GRM3: variants seen among roughly 807,000 people sequenced by gnomAD.
The protein encoded by GRM3 is metabotropic glutamate receptor 3.
In GRM3, 26 loss-of-function variants were observed where a neutral mutation model predicts 70.5. That is an observed-to-expected ratio of 0.37 (90% CI 0.27 to 0.51). The LOEUF is 0.51. GRM3 is among the 20% of genes least tolerant of loss of function. The pLI is 0.93. For synonymous variants in GRM3, 443 were observed against 434.9 expected (o/e 1.02, Z -0.23); for missense variants, 859 against 1,123.8 (o/e 0.76, Z 3.37).
intron 4 of GRM3, among the ~76,000 whole-genome samples, chr7:86,840,548 A>G (rs767498392): frequency 1.6e-4 from 24 of 152,078 alleles, no homozygotes; most frequent in Non-Finnish European, 3.1e-4. Flanking sequence ...TATTAGTAAT[A>G]TACAGTTCAA....
intron 4 of GRM3, among the ~76,000 whole-genome samples, chr7:86,843,137 G>A (rs909618231): frequency 6.6e-6 from 1 of 152,098 alleles, no homozygotes; most frequent in African/African-American, 2.4e-5. Context: ...ATGATGAAAG[G>A]CAAGAGGGAA....
chr7:86,742,836 C>T (rs530299332), intron 1 of GRM3, among the ~76,000 whole-genome samples: 1 of 152,238 alleles, frequency 6.6e-6, no homozygotes, highest in African/African-American at 2.4e-5. Flanking sequence ...GTGACATTTT[C>T]ACATTTTCTA....
At chr7:86,817,847 A>G (rs1798045960) in intron 3 of GRM3, among the ~76,000 whole-genome samples, 1 of 152,042 alleles carries the variant, frequency 6.6e-6, no homozygotes, top group Non-Finnish European at 1.5e-5. Flanking sequence ...ATACAACACC[A>G]CTAAATCTAT....
In GRM3 at chr7:86,839,893, A is replaced by G. The variant is rs761666763; in HGVS notation, c.2379A>G (p.Ser793=). 9.0e-6 allele frequency: 14 copies of G among 1,553,488 alleles called. No individual in the cohort carries two copies. The highest frequency in any genetic ancestry group is 1.2e-5 in the Non-Finnish European group (13 of 1,124,730). The stretch of plus-strand genomic sequence containing the variant: ...TCCTCCCTATATTTTATGTGACATC[A>G]AGTGACTACAGAGTAAGTCTTTGAT... ...LAFLPIFYVT[S]SDYRVQTTTM... is the part of the protein sequence containing the mutation. Residue 793 remains serine, a synonymous_variant, in exon 4 of 6, where the codon TCA becomes TCG. Transcript: ENST00000361669. The surrounding 1 kb of genome is among the most constrained non-coding windows in gnomAD (Gnocchi z 4.5).
At chr7:86,679,382 C>G (rs1460498170) in intron 1 of GRM3, among the ~76,000 whole-genome samples, 1 of 151,928 alleles carries the variant, frequency 6.6e-6, no homozygotes, top group Admixed American at 6.6e-5. Context: ...GAAGAAACCA[C>G]CTTGTTAGCA....
At chr7:86,813,338 G>T (rs1797950849) in intron 3 of GRM3, among the ~76,000 whole-genome samples, 1 of 151,594 alleles carries the variant, frequency 6.6e-6, no homozygotes, top group Admixed American at 6.6e-5. Context: ...GAAGCATCTT[G>T]CACATCATCC....
chr7:86,692,677 T>C (rs1156299999), intron 1 of GRM3, among the ~76,000 whole-genome samples: 1 of 152,254 alleles, frequency 6.6e-6, no homozygotes, highest in Non-Finnish European at 1.5e-5. Flanking sequence ...AATTTTTGCC[T>C]GTTTTATTCT....
chr7:86,849,685 C>T (rs1798722840), intron 4 of GRM3, among the ~76,000 whole-genome samples: 1 of 152,132 alleles, frequency 6.6e-6, no homozygotes, highest in African/African-American at 2.4e-5. Flanking sequence ...TTCTGAGGAA[C>T]TTTCAGGGTA....
At chr7:86,727,314 TC>T (rs1337822693) in intron 1 of GRM3, among the ~76,000 whole-genome samples, 2 of 152,204 alleles carry the variant, frequency 1.3e-5, no homozygotes, top group African/African-American at 2.4e-5. Flanking sequence ...CTCTCCCAGT[TC>T]CCCTACCCCA....
At chr7:86,681,067 A>G (rs2115964152) in intron 1 of GRM3, among the ~76,000 whole-genome samples, 1 of 152,250 alleles carries the variant, frequency 6.6e-6, no homozygotes, top group Middle Eastern at 3.4e-3. Flanking sequence ...CAACACACCC[A>G]CACAGTAAAT....
intron 1 of GRM3, among the ~76,000 whole-genome samples, chr7:86,679,880 G>A (rs1794402311): frequency 6.6e-6 from 1 of 151,996 alleles, no homozygotes; most frequent in Non-Finnish European, 1.5e-5. Context: ...TTCACTCAGA[G>A]CCATGAATTT....
intron 1 of GRM3, among the ~76,000 whole-genome samples, chr7:86,729,769 A>G (rs1795683752): frequency 6.6e-6 from 1 of 152,190 alleles, no homozygotes; most frequent in South Asian, 2.1e-4. Context: ...TAAAGGATTA[A>G]TTACATTCTT....
At chr7:86,645,627 G>A (rs531844467) in intron 1 of GRM3, among the ~76,000 whole-genome samples, 1 of 152,044 alleles carries the variant, frequency 6.6e-6, no homozygotes, top group South Asian at 2.1e-4. Context: ...TTATTCCTTG[G>A]GTTATCAAAG....
intron 2 of GRM3, among the ~76,000 whole-genome samples, chr7:86,776,415 T>C (rs975906385): frequency 6.6e-6 from 1 of 152,134 alleles, no homozygotes; most frequent in South Asian, 2.1e-4. Context: ...TCTGTTGAAG[T>C]AAAGAGTAGT....
intron 1 of GRM3, among the ~76,000 whole-genome samples, chr7:86,679,541 G>A (rs924932573): frequency 6.6e-6 from 1 of 151,986 alleles, no homozygotes; most frequent in African/African-American, 2.4e-5. Flanking sequence ...ATACTCACAT[G>A]GGAAAATAAA....
chr7:86,692,735 C>T (rs1303989419), intron 1 of GRM3, among the ~76,000 whole-genome samples: 2 of 152,124 alleles, frequency 1.3e-5, no homozygotes, highest in African/African-American at 4.8e-5. Flanking sequence ...ATACTAGGCA[C>T]ATAAAATATT....
intron 1 of GRM3, among the ~76,000 whole-genome samples, chr7:86,669,792 C>T (rs1474758999): frequency 6.6e-6 from 1 of 152,152 alleles, no homozygotes; most frequent in East Asian, 1.9e-4. Context: ...TCTCTTCTTA[C>T]CTTTATGATT....
At chr7:86,730,168 C>G (rs988317351) in intron 1 of GRM3, among the ~76,000 whole-genome samples, 1 of 151,648 alleles carries the variant, frequency 6.6e-6, no homozygotes, top group South Asian at 2.1e-4. Context: ...TGCCTGTAAT[C>G]CCAGCACATT....
intron 2 of GRM3, among the ~76,000 whole-genome samples, chr7:86,769,845 C>T (rs1796695074): frequency 1.3e-5 from 2 of 152,092 alleles, no homozygotes; most frequent in Admixed American, 1.3e-4. Flanking sequence ...ACATCAAAAT[C>T]CTTCTATATT....
Sources: allele counts gnomAD v4.1 joint callset (sites outside exome capture counted in the v4.1 genomes callset), GRCh38; gene constraint gnomAD v4.1.1; non-coding constraint Gnocchi (gnomAD v3.1); transcripts MANE v1.5; gene names NCBI Gene and HGNC (gene_info 2026-07-23, HGNC 2026-07-21).